Variants in CAST observed in about 807,000 individuals in gnomAD.
The protein encoded by CAST is calpastatin, also known as MIR583 host.
Under a neutral mutation model 119.6 loss-of-function variants are expected in CAST, and 76 were observed. The observed-to-expected ratio is 0.64, with a 90% CI of 0.53 to 0.77. CAST has a LOEUF of 0.77. CAST is among the 30% of genes least tolerant of loss of function. CAST has a pLI of 0.00. For synonymous variants in CAST, 319 were observed against 331.6 expected (o/e 0.96, Z 0.41); for missense variants, 953 against 946.5 (o/e 1.01, Z -0.09).
At position 96,773,542 on chromosome 5, in the gene CAST, C is replaced by T. The variant is rs953944528; in HGVS notation, c.*926C>T. 1 of 152,188 alleles carries T rather than the reference C, an allele frequency of 6.6e-6. No individual in the cohort carries two copies. Among genetic ancestry groups the T allele is most frequent in the Non-Finnish European group, 1.5e-5 (1 of 68,000 alleles). The allele number at this position is 152,188 out of a possible 1,614,324, so 9.4% of individuals were successfully genotyped here. ...CATTAGCCTTTGCACTGTATAGCGT[C>T]TGGCTTTATGGAACTTAAGTTTACC... On this transcript the variant is annotated 3_prime_UTR_variant, in exon 32 of 32. Transcript: ENST00000675179.
the CAST span, chr5:95,961,874 G>GC: frequency 1.1e-6 from 1 of 942,338 alleles, no homozygotes; most frequent in East Asian, 3.3e-5. Context: ...ACCTCGGACT[G>GC]CCACCGCCGC....
At chr5:96,288,493 G>A in the CAST span, among the ~76,000 whole-genome samples, 4 of 152,036 alleles carry the variant, frequency 2.6e-5, no homozygotes, top group Admixed American at 6.6e-5. Flanking sequence ...GCAGTGACAC[G>A]GCAGCAAAGA....
intron 1 of CAST, among the ~76,000 whole-genome samples, chr5:96,531,409 C>T (rs1745685462): frequency 6.6e-6 from 1 of 152,112 alleles, no homozygotes; most frequent in Admixed American, 6.5e-5. Flanking sequence ...CACTCACCCC[C>T]GCATTTTGAA....
At position 96,743,705 on chromosome 5, in the gene CAST, C is replaced by T. The variant is rs555066058; in HGVS notation, c.1200+949C>T. 8.4e-5 allele frequency: 135 copies of T among 1,610,770 alleles called. No individual in the cohort carries two copies. In the East Asian group the frequency reaches 9.7e-4, roughly 12 times the overall value. On this transcript the variant is annotated intron_variant, in intron 16 of 31. Coordinates refer to ENST00000675179, the MANE Select transcript of CAST (RefSeq NM_001750.7). Reference sequence around the variant, plus strand: ...GCACGATAAGCTTTGTGACGGTGAACGCAGAGGAGCAAGAGAAGCAGTTCG... The same window carrying T: ...GCACGATAAGCTTTGTGACGGTGAATGCAGAGGAGCAAGAGAAGCAGTTCG...
the CAST span, among the ~76,000 whole-genome samples, chr5:96,174,674 CTCTT>C: frequency 9.2e-5 from 14 of 152,190 alleles, no homozygotes; most frequent in Non-Finnish European, 1.6e-4. Context: ...TGTATACTCT[CTCTT>C]TCTAGCTTCT....
the CAST span, among the ~76,000 whole-genome samples, chr5:96,262,133 A>C: frequency 2.0e-5 from 3 of 152,252 alleles, no homozygotes; most frequent in Non-Finnish European, 2.9e-5. Context: ...AGCTAAATTC[A>C]TAATAAAACA....
chr5:96,689,104 A>G (rs1752419852), intron 2 of CAST, among the ~76,000 whole-genome samples: 1 of 152,214 alleles, frequency 6.6e-6, no homozygotes, highest in Admixed American at 6.5e-5. Flanking sequence ...AAGAATACTG[A>G]AATATTTTTA....
At chr5:96,725,483 C>T (rs536382014) in intron 4 of CAST, among the ~76,000 whole-genome samples, 8 of 152,192 alleles carry the variant, frequency 5.3e-5, no homozygotes, top group African/African-American at 1.9e-4. Context: ...GCTCTAAACT[C>T]AATTTCTCAT....
At chr5:96,128,799 A>G in the CAST span, among the ~76,000 whole-genome samples, 1 of 152,064 alleles carries the variant, frequency 6.6e-6, no homozygotes, top group Non-Finnish European at 1.5e-5. Flanking sequence ...CTTGGTTTAA[A>G]TGGATCCCCC....
Position 96,754,659 on chromosome 5 carries a change from A to G in CAST, c.1628A>G (p.Glu543Gly), listed in dbSNP as rs755560262. ...TGAAAATGGTATAATTTTTCTCAGG[A>G]GAAGGCCAAAGAAGAAGACCGTGAA... ...DGKPVMDKVKEKAKEEDREKL... is the reference protein window; with the variant it reads ...DGKPVMDKVKGKAKEEDREKL... The change falls in exon 22 of 32, where the codon GAG becomes GGG. Residue 543 changes from glutamate (E) to glycine (G), a missense_variant and splice_region_variant. Transcript: ENST00000675179. 3.2e-6 allele frequency: 5 copies of G among 1,585,702 alleles called. No homozygotes were observed. The African/African-American group carries it at 5.4e-5, about 17-fold the overall frequency.
At chr5:96,640,622 A>G (rs576440065) in intron 1 of CAST, among the ~76,000 whole-genome samples, 1 of 152,294 alleles carries the variant, frequency 6.6e-6, no homozygotes, top group Non-Finnish European at 1.5e-5. Flanking sequence ...GGAGGAATGG[A>G]AAAAAGGGGA....
At chr5:96,203,345 T>C in the CAST span, among the ~76,000 whole-genome samples, 3 of 152,048 alleles carry the variant, frequency 2.0e-5, no homozygotes, top group Non-Finnish European at 4.4e-5. Context: ...TTTTGTAGAA[T>C]TATTTCCTTG....
At chr5:96,308,534 G>C in the CAST span, among the ~76,000 whole-genome samples, 1 of 151,890 alleles carries the variant, frequency 6.6e-6, no homozygotes, top group Admixed American at 6.6e-5. Context: ...GAGAGGAGGC[G>C]TTCTGGTTTT....
the CAST span, among the ~76,000 whole-genome samples, chr5:95,997,509 G>T: frequency 2.0e-5 from 3 of 152,242 alleles, no homozygotes; most frequent in Non-Finnish European, 2.9e-5. Flanking sequence ...AAGTTTGTTT[G>T]AGTAGCTAGG....
chr5:96,184,306 T>C, the CAST span, among the ~76,000 whole-genome samples: 14 of 152,350 alleles, frequency 9.2e-5, no homozygotes, highest in East Asian at 2.7e-3. Context: ...AGTTCACTTA[T>C]TCAGTCTGGC....
At chr5:96,592,418 A>C (rs911548892) in intron 1 of CAST, among the ~76,000 whole-genome samples, 3 of 152,008 alleles carry the variant, frequency 2.0e-5, no homozygotes, top group Non-Finnish European at 2.9e-5. Context: ...GGGGGGGAAA[A>C]CCCAGCTATA....
At chr5:96,465,874 G>A in the CAST span, among the ~76,000 whole-genome samples, 1 of 152,168 alleles carries the variant, frequency 6.6e-6, no homozygotes, top group Non-Finnish European at 1.5e-5. Flanking sequence ...AATGGGCACA[G>A]CCATATATGT....
chr5:96,472,137 G>A, the CAST span, among the ~76,000 whole-genome samples: 1 of 152,132 alleles, frequency 6.6e-6, no homozygotes, highest in African/African-American at 2.4e-5. Flanking sequence ...TACAACTCCT[G>A]TGCTTTTTCA....
At chr5:96,299,689 T>TA in the CAST span, among the ~76,000 whole-genome samples, 1 of 152,202 alleles carries the variant, frequency 6.6e-6, no homozygotes, top group Non-Finnish European at 1.5e-5. Flanking sequence ...TATACATCCA[T>TA]AGCATGTGGT....
Sources: gnomAD v4.1 joint callset for allele counts (sites outside exome capture counted in the v4.1 genomes callset) on GRCh38, gnomAD v4.1.1 for gene constraint, MANE v1.5 for transcripts, NCBI Gene and HGNC (gene_info 2026-07-23, HGNC 2026-07-21) for gene names.